Variants in WDR25 observed in about 807,000 individuals in gnomAD.
WDR25 encodes the protein WD repeat domain 25, also known as WD repeat-containing protein 25.
In WDR25, 35 loss-of-function variants were observed where a neutral mutation model predicts 47.7. The ratio of observed to expected loss-of-function variants is 0.73; its 90% CI spans 0.56 to 0.97. WDR25 has a LOEUF of 0.97. WDR25 is among the 50% of genes least tolerant of loss of function. The probability of loss-of-function intolerance (pLI) is 0.00; values close to 1 mark genes in which losing one functional copy is unlikely to be tolerated. For missense variants in WDR25, 634 were observed against 704.7 expected, an observed-to-expected ratio of 0.90 and a Z score of 1.14; for synonymous variants, 248 against 278.9, an observed-to-expected ratio of 0.89 and a Z score of 1.10.
chr14:100,487,567 C>A (rs113321245), intron 4 of WDR25: 1 of 152,198 alleles, frequency 6.6e-6, no homozygotes, highest in Non-Finnish European at 1.5e-5. Context: ...ACATCTGTCA[C>A]CCTATTGATT....
At chr14:100,419,274 G>A (rs968733621) in intron 2 of WDR25, among the ~76,000 whole-genome samples, 9 of 151,594 alleles carry the variant, frequency 5.9e-5, no homozygotes, top group Non-Finnish European at 8.8e-5. Context: ...GTCTCTCTGC[G>A]GCTTCCTGGG....
chr14:100,384,812 C>T lies in WDR25; in HGVS notation c.822+3066C>T, dbSNP rs551715951. Reference sequence around the variant, plus strand: ...TCTGCCAGTGTCTTCTGGGCCCCTGCTGGATCAGGAAGGAGGGAAGAGCTT... The same window carrying T: ...TCTGCCAGTGTCTTCTGGGCCCCTGTTGGATCAGGAAGGAGGGAAGAGCTT... On this transcript the variant is annotated intron_variant, in intron 2 of 6. Transcript: ENST00000402312. 5.6e-4 allele frequency among the ~76,000 whole-genome samples: 85 copies of T among 152,290 alleles called. 1 individual carries two copies. The highest frequency in any genetic ancestry group is 1.9e-3 in the African/African-American group (79 of 41,560).
At chr14:100,443,770 C>G (rs974275085) in intron 2 of WDR25, among the ~76,000 whole-genome samples, 2 of 152,144 alleles carry the variant, frequency 1.3e-5, no homozygotes, top group African/African-American at 4.8e-5. Context: ...ATTGGGAGCG[C>G]TCCGGGCTGA....
intron 4 of WDR25, among the ~76,000 whole-genome samples, chr14:100,516,870 A>G (rs1378128094): frequency 6.6e-6 from 1 of 151,526 alleles, no homozygotes; most frequent in East Asian, 1.9e-4. Context: ...TTTATATTTA[A>G]TGTAATTACT....
intron 2 of WDR25, among the ~76,000 whole-genome samples, chr14:100,386,619 C>A (rs1033718423): frequency 6.6e-6 from 1 of 152,098 alleles, no homozygotes; most frequent in African/African-American, 2.4e-5. Context: ...TGAGGCCAGG[C>A]GCGGTGGCTC....
intron 3 of WDR25, among the ~76,000 whole-genome samples, chr14:100,471,165 T>C (rs2140300892): frequency 1.3e-5 from 2 of 152,232 alleles, no homozygotes; most frequent in Admixed American, 1.3e-4. Flanking sequence ...TTGGTTTCCA[T>C]GTCCCTCTCC....
At chr14:100,524,766 C>T (rs1408542276) in intron 4 of WDR25, among the ~76,000 whole-genome samples, 7 of 152,154 alleles carry the variant, frequency 4.6e-5, no homozygotes, top group Admixed American at 1.3e-4. Context: ...GGCCCTGTGA[C>T]CTTGAGCAAA....
chr14:100,477,338 A>G (rs2140309819), intron 3 of WDR25, among the ~76,000 whole-genome samples: 1 of 152,326 alleles, frequency 6.6e-6, no homozygotes, highest in South Asian at 2.1e-4. Context: ...GATTTTTCCT[A>G]GCTCCAAGAA....
chr14:100,404,137 G>A lies in WDR25; in HGVS notation c.822+22391G>A, dbSNP rs1289399661. Among the ~76,000 whole-genome samples the A allele has an allele frequency of 2.0e-5, 3 of 146,482 alleles. No homozygotes were observed. Among genetic ancestry groups the A allele is most frequent in the Non-Finnish European group, 4.6e-5 (3 of 64,896 alleles). ...GATCCTACCATGTGTCCAGCCCAGT[G>A]CTGGGCCCCATACGCACATGATTGG... On this transcript the variant is annotated intron_variant, in intron 2 of 6. Transcript: ENST00000402312. This position sits in a 1 kb window ranked among gnomAD's most constrained non-coding sequence, Gnocchi z 4.6.
At chr14:100,458,758 T>C (rs1899285361) in intron 2 of WDR25, among the ~76,000 whole-genome samples, 1 of 152,172 alleles carries the variant, frequency 6.6e-6, no homozygotes, top group Non-Finnish European at 1.5e-5. Flanking sequence ...TCTGGACAAT[T>C]TCTAAATATT....
intron 4 of WDR25, among the ~76,000 whole-genome samples, chr14:100,489,379 A>G (rs1313018798): frequency 6.6e-6 from 1 of 152,236 alleles, no homozygotes; most frequent in Non-Finnish European, 1.5e-5. Context: ...TGGGCCCTCT[A>G]GCAGTGTGGG....
intron 2 of WDR25, among the ~76,000 whole-genome samples, chr14:100,403,685 G>T (rs1375261548): frequency 1.3e-5 from 2 of 152,196 alleles, no homozygotes; most frequent in Non-Finnish European, 2.9e-5. Context: ...CAGTGTGGAG[G>T]TGTGATTCCA....
At chr14:100,401,653 T>G (rs969923486) in intron 2 of WDR25, among the ~76,000 whole-genome samples, 7 of 152,230 alleles carry the variant, frequency 4.6e-5, no homozygotes, top group African/African-American at 1.7e-4. Context: ...TTTTTCTTTT[T>G]TGGGCTTCTT....
intron 2 of WDR25, among the ~76,000 whole-genome samples, chr14:100,455,722 T>C (rs1320118557): frequency 6.6e-6 from 1 of 152,136 alleles, no homozygotes; most frequent in Non-Finnish European, 1.5e-5. Flanking sequence ...CCAGAAATAG[T>C]GGAGTCTAGA....
chr14:100,380,876 A>T, intron 1 of WDR25, 34 bp from the exon 2 acceptor site: 1 of 1,566,306 alleles, frequency 6.4e-7, no homozygotes, highest in Non-Finnish European at 8.7e-7. Flanking sequence ...TCTTCCATGC[A>T]CATTTTCTGA....
At chr14:100,507,900 C>A (rs1378146668) in intron 4 of WDR25, among the ~76,000 whole-genome samples, 2 of 152,006 alleles carry the variant, frequency 1.3e-5, no homozygotes, top group African/African-American at 4.8e-5. Flanking sequence ...TTTCCTATCT[C>A]AATGCCCTTT....
At chr14:100,470,999 G>A (rs1265502580) in intron 3 of WDR25, among the ~76,000 whole-genome samples, 2 of 152,294 alleles carry the variant, frequency 1.3e-5, no homozygotes, top group African/African-American at 2.4e-5. Context: ...CGTTCACTCC[G>A]CAGTTGCTTA....
intron 2 of WDR25, among the ~76,000 whole-genome samples, chr14:100,387,742 A>G (rs958511622): frequency 2.0e-5 from 3 of 152,260 alleles, no homozygotes; most frequent in Non-Finnish European, 4.4e-5. Context: ...CTGAGCAGAA[A>G]GAGCTACCAC....
chr14:100,394,135 C>T (rs1016315809), intron 2 of WDR25, among the ~76,000 whole-genome samples: 8 of 152,204 alleles, frequency 5.3e-5, no homozygotes, highest in East Asian at 3.9e-4. Context: ...CCTCCTAAGC[C>T]GTGTTCCTAA....
Sources: allele counts gnomAD v4.1 joint callset (sites outside exome capture counted in the v4.1 genomes callset), GRCh38; gene constraint gnomAD v4.1.1; non-coding constraint Gnocchi (gnomAD v3.1); transcripts MANE v1.5; gene names NCBI Gene and HGNC (gene_info 2026-07-23, HGNC 2026-07-21).